Variants in CAMTA1 observed in about 807,000 individuals in gnomAD.
The protein encoded by CAMTA1 is calmodulin binding transcription activator 1.
In CAMTA1, 27 loss-of-function variants were observed where a neutral mutation model predicts 170.9. The observed-to-expected ratio is 0.16, with a 90% CI of 0.12 to 0.22. CAMTA1 has a LOEUF of 0.22. CAMTA1 is among the 10% of genes least tolerant of loss of function. The pLI, the probability that CAMTA1 is intolerant of heterozygous loss-of-function variation, is 1.00. For synonymous variants in CAMTA1, 833 were observed against 891.5 expected, an observed-to-expected ratio of 0.93 and a Z score of 1.17; for missense variants, 1,619 against 2,217.2, an observed-to-expected ratio of 0.73 and a Z score of 5.42.
intron 4 of CAMTA1, among the ~76,000 whole-genome samples, chr1:7,096,538 C>T (rs1272859120): frequency 6.6e-6 from 1 of 152,174 alleles, no homozygotes; most frequent in Non-Finnish European, 1.5e-5. Context: ...CATCTTCTGA[C>T]TTCCCTGGTT....
intron 4 of CAMTA1, among the ~76,000 whole-genome samples, chr1:7,190,753 G>A (rs532721029): frequency 2.6e-5 from 4 of 152,290 alleles, no homozygotes; most frequent in South Asian, 2.1e-4. Context: ...TTAGGTGCAC[G>A]TAATGGTAAT....
At chr1:6,942,469 G>A (rs1216273902) in intron 3 of CAMTA1, among the ~76,000 whole-genome samples, 4 of 151,918 alleles carry the variant, frequency 2.6e-5, no homozygotes, top group Non-Finnish European at 5.9e-5. Flanking sequence ...AGCAGCCTGG[G>A]CAACATAGTG....
At position 7,291,528 on chromosome 1, in the gene CAMTA1, C is replaced by A. The variant is rs142034109; in HGVS notation, c.438+41902C>A. On this transcript the variant is annotated intron_variant, in intron 5 of 22. Coordinates refer to ENST00000303635, the MANE Select transcript of CAMTA1 (RefSeq NM_015215.4). ...GTGTGCACGCCCCTCATCACACCAG[C>A]AAATGGTCAGCTTGTCTTCTGGGCC... Among the ~76,000 whole-genome samples the A allele has an allele frequency of 4.4e-3, 675 of 152,378 alleles. 8 individuals carry two copies. The highest frequency in any genetic ancestry group is 0.024 in the Admixed American group (368 of 15,304).
chr1:7,405,907 C>T (rs1466077881), intron 5 of CAMTA1, among the ~76,000 whole-genome samples: 2 of 152,154 alleles, frequency 1.3e-5, no homozygotes, highest in Admixed American at 6.6e-5. Flanking sequence ...AAGGGGGCAC[C>T]GTTCTCGAAG....
rs774170473 is a variant in CAMTA1 at position 7,752,542 on chromosome 1, G to C, written c.4958+9G>C. ...CGCCGCTGTCGCCACAGGTACACTA[G>C]TCCTTGTTTATACATTCTGCTCAGG... On this transcript the variant is annotated intron_variant, in intron 21 of 22. Transcript: ENST00000303635. The C allele has an allele frequency of 6.3e-7, 1 of 1,593,702 alleles. No homozygotes were observed. The highest frequency in any genetic ancestry group is 8.5e-7 in the Non-Finnish European group (1 of 1,169,812).
chr1:7,500,799 T>C (rs1010747620), intron 6 of CAMTA1, among the ~76,000 whole-genome samples: 2 of 151,944 alleles, frequency 1.3e-5, no homozygotes, highest in African/African-American at 4.8e-5. Context: ...AGAACCTCTT[T>C]CCTTTGCTGC....
intron 5 of CAMTA1, among the ~76,000 whole-genome samples, chr1:7,298,720 T>C (rs1674338182): frequency 6.6e-6 from 1 of 152,194 alleles, no homozygotes; most frequent in South Asian, 2.1e-4. Flanking sequence ...CAGCAAACTT[T>C]TATTAAGCAA....
chr1:7,198,876 G>A (rs914792979), intron 4 of CAMTA1, among the ~76,000 whole-genome samples: 9 of 152,138 alleles, frequency 5.9e-5, no homozygotes, highest in African/African-American at 2.2e-4. Context: ...GAGCCCCGCG[G>A]GCAACGCTGG....
chr1:7,368,906 C>T (rs550502302), intron 5 of CAMTA1: 99 of 152,466 alleles, frequency 6.5e-4, no homozygotes, highest in African/African-American at 2.4e-3. Context: ...GCCTTCTTGA[C>T]TTCCCATGGC....
Position 7,680,200 on chromosome 1 carries a change from C to T in CAMTA1, c.2914+2467C>T, listed in dbSNP as rs1365093531. 2.8e-5 allele frequency: 8 copies of T among 282,876 alleles called. No homozygotes were observed. The highest frequency in any genetic ancestry group is 6.1e-5 in the Non-Finnish European group (8 of 130,540). 17.5% of individuals were successfully genotyped at this position (282,876 alleles called of 1,614,324 possible). A position where few individuals can be genotyped will look rare whatever the true frequency, so the allele number is the denominator to read the frequency against. On this transcript the variant is annotated intron_variant, in intron 11 of 22. Transcript: ENST00000303635. This position sits in a 1 kb window ranked among gnomAD's most constrained non-coding sequence, Gnocchi z 4.4. ...GAACTTTGCGTCCGGGCCAATGCTG[C>T]AGTGGCCGGGCGGTGGTGAGCCTTC...
intron 4 of CAMTA1, among the ~76,000 whole-genome samples, chr1:7,174,785 G>C (rs1041624961): frequency 1.3e-5 from 2 of 152,332 alleles, no homozygotes; most frequent in South Asian, 4.1e-4. Context: ...GGCAGGAGAA[G>C]CTGGGCATCA....
rs1191075020 is a variant in CAMTA1 at position 6,970,695 on chromosome 1, C to G, written c.235-120609C>G. ...GAAGCACAGGGGGCTACTAGAGCAC[C>G]TGTTCAGGACGTATCATCCAGTCCT... On this transcript the variant is annotated intron_variant, in intron 3 of 22. Coordinates refer to ENST00000303635, the MANE Select transcript of CAMTA1 (RefSeq NM_015215.4). This position sits in a 1 kb window ranked among gnomAD's most constrained non-coding sequence, Gnocchi z 4.4. 6.6e-6 allele frequency among the ~76,000 whole-genome samples: 1 copy of G among 152,170 alleles called. No individual in the cohort carries two copies.
intron 4 of CAMTA1, among the ~76,000 whole-genome samples, chr1:7,164,172 C>CAA (rs1342082650): frequency 1.3e-5 from 2 of 152,112 alleles, no homozygotes; most frequent in East Asian, 3.9e-4. Flanking sequence ...GTGTAGAAGT[C>CAA]AAGTCCATCC....
intron 6 of CAMTA1, among the ~76,000 whole-genome samples, chr1:7,617,450 G>A (rs954392374): frequency 1.3e-5 from 2 of 152,162 alleles, no homozygotes; most frequent in Non-Finnish European, 2.9e-5. Context: ...TGGAACCAAG[G>A]GAAGGATTGG....
chr1:7,404,982 T>C (rs566710131), intron 5 of CAMTA1, among the ~76,000 whole-genome samples: 96 of 152,290 alleles, frequency 6.3e-4, no homozygotes, highest in African/African-American at 1.9e-3. Flanking sequence ...CAATGACTTA[T>C]ACAGTTGAGG....
chr1:7,174,424 A>C (rs1558203887), intron 4 of CAMTA1, among the ~76,000 whole-genome samples: 1 of 152,252 alleles, frequency 6.6e-6, no homozygotes, highest in African/African-American at 2.4e-5. Context: ...AAATCTTGGG[A>C]ACATAAAAAT....
intron 6 of CAMTA1, among the ~76,000 whole-genome samples, chr1:7,469,406 G>A (rs147268696): frequency 1.5e-4 from 23 of 152,338 alleles, no homozygotes; most frequent in Admixed American, 7.2e-4. Flanking sequence ...GAGTTCTGGC[G>A]GCTGAGTCAG....
Position 6,891,923 on chromosome 1 carries a change from A to G in CAMTA1, c.234+66713A>G, listed in dbSNP as rs372526772. Among the ~76,000 whole-genome samples the G allele has an allele frequency of 6.6e-5, 10 of 152,186 alleles. No individual in the cohort carries two copies. In the South Asian group the frequency reaches 1.5e-3, roughly 22 times the overall value. ...GAGCTTCGTCCCTCCCTTTTCATGA[A>G]CCTGAATGTTGTAAGGGAGGCCAAG... On this transcript the variant is annotated intron_variant, in intron 3 of 22. Transcript: ENST00000303635.
chr1:7,672,959 G>A (rs933111630), intron 10 of CAMTA1, among the ~76,000 whole-genome samples: 5 of 152,182 alleles, frequency 3.3e-5, no homozygotes, highest in South Asian at 2.1e-4. Context: ...ACAGCCAGCC[G>A]GGGTGGCAGC....
Sources: gnomAD v4.1 joint callset for allele counts (sites outside exome capture counted in the v4.1 genomes callset) on GRCh38, gnomAD v4.1.1 for gene constraint, Gnocchi (gnomAD v3.1) non-coding constraint, MANE v1.5 for transcripts, NCBI Gene and HGNC (gene_info 2026-07-23, HGNC 2026-07-21) for gene names.